The following ACTN3 variants were observed in gnomAD, a reference collection of about 807,000 sequenced individuals.
The protein encoded by ACTN3 is alpha-actinin-3.
A neutral mutation model predicts 119.6 loss-of-function variants in ACTN3; 91 were observed. That is an observed-to-expected ratio of 0.76 (90% confidence interval 0.64 to 0.91). The LOEUF is 0.91. ACTN3 is among the 40% of genes least tolerant of loss of function. ACTN3 has a pLI of 0.00. For synonymous variants in ACTN3, 456 were observed against 478.8 expected (o/e 0.95, Z 0.62); for missense variants, 1,221 against 1,215.1 (o/e 1.00, Z -0.07).
rs773244688 is a variant in ACTN3 at position 66,559,243 on chromosome 11, G to C, written c.1284G>C (p.Glu428Asp). 1.3e-6 allele frequency: 2 copies of C among 1,547,652 alleles called. No homozygotes were observed. Among genetic ancestry groups the C allele is most frequent in the Admixed American group, 3.9e-5 (2 of 51,488 alleles). ...SLHEAWTRGK[E>D]EMLSQRDYDS... ...CGGCATCTCTTTGAGCAGGAAAGGA[G>C]GAGATGCTGAGCCAGCGCGACTACG... Residue 428 changes from glutamate to aspartate, a missense_variant, in exon 12 of 21, where the codon GAG (glutamate) becomes GAC (aspartate). Physicochemically the swap from Glu to Asp is conservative, Grantham distance 45. Around this residue, in one of 3 missense-constraint regions of ACTN3, gnomAD observed 934 missense variants for 899.9 expected, o/e 1.04. Coordinates refer to ENST00000513398, the MANE Select transcript of ACTN3 (RefSeq NM_001104.4).
intron 16 of ACTN3, 45 bp downstream of exon 16, chr11:66,561,406 G>A (rs607736): frequency 0.3 from 481,727 of 1,605,070 alleles, 77,466 homozygotes; most frequent in African/African-American, 0.6. Flanking sequence ...ATGGGGCCAG[G>A]GCTGGGCCAC....
At chr11:66,556,973 G>A (rs1857603096) in intron 8 of ACTN3, 160 bp from the exon 9 acceptor site, 1 of 174,650 alleles carries the variant, frequency 5.7e-6, no homozygotes, top group South Asian at 1.9e-4. Flanking sequence ...GTGTTAGCTA[G>A]GATGGTTTCG....
In ACTN3 at chr11:66,562,141, C is replaced by T; in HGVS notation, c.2295C>T (p.Phe765=). Residue 765 remains phenylalanine, a synonymous_variant, in exon 18 of 21, where the codon TTC becomes TTT. Transcript: ENST00000513398. ...KGLSQEQLNE[F]RASFNHFDRK... is the part of the protein sequence containing the mutation. ...TGAGCCAGGAGCAGCTCAACGAGTTCCGAGCATCCTTCAACCACTTTGACA... is the reference window on the plus strand; with the variant it reads ...TGAGCCAGGAGCAGCTCAACGAGTTTCGAGCATCCTTCAACCACTTTGACA... 1 of 1,614,050 alleles carries T rather than the reference C, an allele frequency of 6.2e-7. No homozygotes were observed. Among genetic ancestry groups the T allele is most frequent in the East Asian group, 2.2e-5 (1 of 44,874 alleles).
At chr11:66,560,788 C>T (rs1391410900) in intron 15 of ACTN3, 33 bp downstream of exon 15, 1 of 1,577,526 alleles carries the variant, frequency 6.3e-7, no homozygotes, top group South Asian at 1.2e-5. Context: ...CTCCCACCCC[C>T]TCCTGCATAC....
In ACTN3 at chr11:66,563,253, C is replaced by T; in HGVS notation, c.*60C>T. 1 of 1,520,994 alleles carries T rather than the reference C, an allele frequency of 6.6e-7. No individual in the cohort carries two copies. Among genetic ancestry groups the T allele is most frequent in the Non-Finnish European group, 8.8e-7 (1 of 1,132,354 alleles). 94.2% of individuals were successfully genotyped at this position (1,520,994 alleles called of 1,614,324 possible). A position where few individuals can be genotyped will look rare whatever the true frequency, so the allele number is the denominator to read the frequency against. ...AGAGGATGCACCCTGTGGCTGATCC[C>T]ATCCGTCCCTCGGAGCAAGGGCCTA... On this transcript the variant is annotated 3_prime_UTR_variant, in exon 21 of 21. Transcript: ENST00000513398.
rs1857477715 is a variant in ACTN3, at chr11:66,551,783, G to A, written c.382+136G>A. ...TGCCTCGCAAGAGAGCCTGTAAAGAGCCAGTATGCCAGCCAGGCACGGTGG... is the reference window on the plus strand; with the variant it reads ...TGCCTCGCAAGAGAGCCTGTAAAGAACCAGTATGCCAGCCAGGCACGGTGG... On this transcript the variant is annotated intron_variant, in intron 3 of 20. Transcript: ENST00000513398. 3 of 1,354,880 alleles carry A rather than the reference G, an allele frequency of 2.2e-6. No individual in the cohort carries two copies. In the South Asian group the frequency reaches 4.3e-5, roughly 19 times the overall value. The allele number at this position is 1,354,880 out of a possible 1,614,324, so 83.9% of individuals were successfully genotyped here.
At position 66,563,098 on chromosome 11, in the gene ACTN3, C is replaced by T. The variant is rs188208827; in HGVS notation, c.2611C>T (p.Arg871Cys). 1.6e-3 allele frequency: 2,576 copies of T among 1,613,372 alleles called. 3 individuals are homozygous for T. Among genetic ancestry groups the T allele is most frequent in the Non-Finnish European group, 2.0e-3 (2,373 of 1,179,752 alleles). ...LPAKQAEYCIRRMVPYKGSGA... is the reference protein window; with the variant it reads ...LPAKQAEYCICRMVPYKGSGA... ...TGCCAAGCAGGCCGAGTACTGCATC[C>T]GCCGTATGGTGCCCTACAAGGGATC... Residue 871 changes from arginine to cysteine, a missense_variant, in exon 21 of 21, where the codon CGC becomes TGC. Arg to Cys is a radical substitution (Grantham distance 180). Around this residue, in one of 3 missense-constraint regions of ACTN3, gnomAD observed 934 missense variants for 899.9 expected, o/e 1.04. Transcript: ENST00000513398.
rs143609138 is a variant in ACTN3 at position 66,548,917 on chromosome 11, C to T, written c.147+1833C>T. Among the ~76,000 whole-genome samples the T allele has an allele frequency of 4.6e-5, 7 of 152,326 alleles. No homozygotes were observed. In the East Asian group the frequency reaches 7.7e-4, roughly 17 times the overall value. On this transcript the variant is annotated intron_variant, in intron 1 of 20. Transcript: ENST00000513398. ...TCTCTTGCCCTGATCCCAGTGACTG[C>T]GTCCTCACTTCTGCCTTCTGCCACG...
intron 9 of ACTN3, among the ~76,000 whole-genome samples, chr11:66,557,498 A>G (rs1457031020): frequency 6.6e-6 from 1 of 152,196 alleles, no homozygotes; most frequent in Non-Finnish European, 1.5e-5. Context: ...CTCTGTGCCA[A>G]CCTATACTAG....
upstream of ACTN3, chr11:66,546,560 C>A: frequency 6.5e-7 from 1 of 1,535,680 alleles, no homozygotes; most frequent in Non-Finnish European, 8.7e-7. Context: ...AAGAGGCTCA[C>A]GAGGAGCTCC....
chr11:66,559,366 C>A lies in ACTN3; in HGVS notation c.1407C>A (p.Ala469=), dbSNP rs376311597. ...ACCAGGACCGCGTGGAGCACATTGC[C>A]GCGCTGGCCCAGGAGCTCAAGTAGG... ...AAHQDRVEHI[A]ALAQELNELD... is the part of the protein sequence containing the mutation. Residue 469 remains alanine, a synonymous_variant, in exon 12 of 21, where the codon GCC becomes GCA. Coordinates refer to ENST00000513398, the MANE Select transcript of ACTN3 (RefSeq NM_001104.4). 2 of 1,553,214 alleles carry A rather than the reference C, an allele frequency of 1.3e-6. No individual in the cohort carries two copies. The highest frequency in any genetic ancestry group is 1.7e-6 in the Non-Finnish European group (2 of 1,155,422).
chr11:66,554,755 C>A, intron 5 of ACTN3, 132 bp downstream of exon 5: 1 of 738,274 alleles, frequency 1.4e-6, no homozygotes, highest in Non-Finnish European at 2.2e-6. Flanking sequence ...GGTCACAGTT[C>A]CTGGAACAGT....
At chr11:66,554,960 A>G in intron 5 of ACTN3, 170 bp from the exon 6 acceptor site, 1 of 173,966 alleles carries the variant, frequency 5.7e-6, no homozygotes, top group Non-Finnish European at 1.1e-5. Flanking sequence ...ATGAGCTAGC[A>G]GGAGATGGTC....
In ACTN3 at chr11:66,558,078, G is replaced by A. The variant is rs757294826; in HGVS notation, c.1180G>A (p.Asp394Asn). Residue 394 changes from aspartate (D) to asparagine (N), a missense_variant, in exon 11 of 21, where the codon GAC becomes AAC. By Grantham distance (23) the Asp-to-Asn change is conservative. This residue lies in a region of ACTN3 where 934 missense variants were observed against 899.9 expected (regional missense o/e 1.04). Transcript: ENST00000513398. ...GGAGCAGGTGGAAAAGGGCTATGAG[G>A]ACTGGCTGCTCTCGGAGATCCGGCG... ...GLEQVEKGYE[D>N]WLLSEIRRLQ... The A allele has an allele frequency of 1.9e-6, 3 of 1,613,858 alleles. No individual in the cohort carries two copies. The highest frequency in any genetic ancestry group is 2.2e-5 in the South Asian group (2 of 91,074).
intron 2 of ACTN3, 35 bp from the exon 3 acceptor site, chr11:66,551,493 G>T: frequency 6.2e-7 from 1 of 1,605,830 alleles, no homozygotes; most frequent in South Asian, 1.1e-5. Flanking sequence ...TGCCTCTCAT[G>T]ACCTTTGGCC....
intron 3 of ACTN3, among the ~76,000 whole-genome samples, chr11:66,553,413 G>A (rs1015551533): frequency 3.0e-4 from 45 of 151,798 alleles, no homozygotes; most frequent in African/African-American, 9.9e-4. Flanking sequence ...AAAATTAGCC[G>A]GGTTTGGTGG....
chr11:66,562,367 T>A, intron 19 of ACTN3, 45 bp downstream of exon 19: 2 of 1,592,414 alleles, frequency 1.3e-6, no homozygotes, highest in Non-Finnish European at 1.7e-6. Flanking sequence ...AAGTACCCCC[T>A]CCTCTGTGCT....
In ACTN3 at chr11:66,555,133, G is replaced by T. The variant is rs767162465; in HGVS notation, c.561G>T (p.Trp187Cys). 6.2e-7 allele frequency: 1 copy of T among 1,613,976 alleles called. No individual in the cohort carries two copies. The highest frequency in any genetic ancestry group is 8.5e-7 in the Non-Finnish European group (1 of 1,179,950). Reference sequence around the variant, plus strand: ...CCCCCCTCTTCTCTCTGTCCAGCTGGAAGGATGGCCTGGCCCTCTGTGCCC... The same window carrying T: ...CCCCCCTCTTCTCTCTGTCCAGCTGTAAGGATGGCCTGGCCCTCTGTGCCC... Reference protein sequence around the residue: ...NVNVQNFHTSWKDGLALCALI... With the variant: ...NVNVQNFHTSCKDGLALCALI... Residue 187 changes from tryptophan (W) to cysteine (C), a missense_variant, in exon 6 of 21, where the codon TGG (tryptophan) becomes TGT (cysteine). Transcript: ENST00000513398.
chr11:66,558,981 C>T (rs1157705120), intron 11 of ACTN3: 3 of 379,142 alleles, frequency 7.9e-6, no homozygotes, highest in African/African-American at 6.2e-5. Flanking sequence ...ATTTTAAGGT[C>T]AAATTATGCT....
Sources: gnomAD v4.1 joint callset for allele counts (sites outside exome capture counted in the v4.1 genomes callset) on GRCh38, gnomAD v4.1.1 for gene constraint, gnomAD v4.1.1 regional missense constraint, MANE v1.5 for transcripts, NCBI Gene and HGNC (gene_info 2026-07-23, HGNC 2026-07-21) for gene names.